The following INPP5D variants were observed in gnomAD, a reference collection of about 807,000 sequenced individuals.
INPP5D encodes inositol polyphosphate-5-phosphatase D, also known as phosphatidylinositol 3,4,5-trisphosphate 5-phosphatase 1.
A neutral mutation model predicts 122.9 loss-of-function variants in INPP5D; 33 were observed. The ratio of observed to expected loss-of-function variants is 0.27; its 90% CI spans 0.20 to 0.36. The LOEUF is 0.36. Among genes scored for constraint, INPP5D ranks in the 10% least tolerant of loss-of-function variants. The pLI is 1.00. For synonymous variants in INPP5D, 584 were observed against 576.2 expected (o/e 1.01, Z -0.19); for missense variants, 1,053 against 1,412.7 (o/e 0.75, Z 4.08).
intron 10 of INPP5D, among the ~76,000 whole-genome samples, chr2:233,159,382 A>G (rs1009530037): frequency 6.6e-5 from 10 of 152,192 alleles, no homozygotes; most frequent in African/African-American, 2.4e-4. Flanking sequence ...CAGCCTAGTC[A>G]GACCCCATGT....
intron 9 of INPP5D, among the ~76,000 whole-genome samples, chr2:233,151,424 A>G (rs36131515): frequency 0.52 from 78,730 of 151,850 alleles, 21,017 homozygotes; most frequent in East Asian, 0.67. Flanking sequence ...GTGCCCACCT[A>G]GCTCCAGTCC....
intron 3 of INPP5D, among the ~76,000 whole-genome samples, chr2:233,123,289 A>G (rs573644779): frequency 6.6e-6 from 1 of 152,206 alleles, no homozygotes; most frequent in South Asian, 2.1e-4. Context: ...CCTTATCTCT[A>G]CTAAAAATAC....
In INPP5D at chr2:233,195,314, T is replaced by C. The variant is rs547311412; in HGVS notation, c.2597-85T>C. The C allele has an allele frequency of 2.1e-3, 3,295 of 1,600,184 alleles. 2 individuals are homozygous for C. Among genetic ancestry groups the C allele is most frequent in the Non-Finnish European group, 2.7e-3 (3,166 of 1,172,038 alleles). ...CACTATTCACTGTGCAGCTTCAGCCTGCAAATGGAAACCCCTTTGCCATCC... is the reference window on the plus strand; with the variant it reads ...CACTATTCACTGTGCAGCTTCAGCCCGCAAATGGAAACCCCTTTGCCATCC... On this transcript the variant is annotated intron_variant, in intron 23 of 26. Transcript: ENST00000445964.
chr2:233,083,407 C>G (rs114695765), intron 2 of INPP5D, among the ~76,000 whole-genome samples: 3 of 152,164 alleles, frequency 2.0e-5, no homozygotes, highest in Non-Finnish European at 2.9e-5. Flanking sequence ...TCAACAGCTG[C>G]TGTGCCACTC....
intron 18 of INPP5D, among the ~76,000 whole-genome samples, chr2:233,178,493 TA>T (rs1342762471): frequency 2.0e-5 from 3 of 151,198 alleles, no homozygotes; most frequent in African/African-American, 7.3e-5. Flanking sequence ...TTTATTTATT[TA>T]TTTATTGAGA....
At position 233,170,465 on chromosome 2, in the gene INPP5D, C is replaced by T. The variant is rs764321505; in HGVS notation, c.1792-31C>T. On this transcript the variant is annotated intron_variant, in intron 15 of 26. Transcript: ENST00000445964. This position sits in a 1 kb window ranked among gnomAD's most constrained non-coding sequence, Gnocchi z 4.5. Reference sequence around the variant, plus strand: ...TCAGGCCTGGATCAGCAGGGCTTCTCACCAGAGGCCCGGGCATGTTCTTGT... The same window carrying T: ...TCAGGCCTGGATCAGCAGGGCTTCTTACCAGAGGCCCGGGCATGTTCTTGT... The T allele has an allele frequency of 1.9e-6, 3 of 1,613,234 alleles. No individual in the cohort carries two copies. The highest frequency in any genetic ancestry group is 3.3e-5 in the Admixed American group (2 of 59,972).
At chr2:233,173,888 G>C (rs1559334223) in intron 17 of INPP5D, among the ~76,000 whole-genome samples, 1 of 152,062 alleles carries the variant, frequency 6.6e-6, no homozygotes, top group Non-Finnish European at 1.5e-5. Flanking sequence ...AACCGAGATG[G>C]CGCCACTGCA....
chr2:233,131,827 C>T (rs1251033548), intron 5 of INPP5D, among the ~76,000 whole-genome samples: 1 of 152,152 alleles, frequency 6.6e-6, no homozygotes, highest in Non-Finnish European at 1.5e-5. Context: ...TTTCAAGATT[C>T]CTTTGTTGAT....
chr2:233,193,557 G>C (rs999709610), intron 22 of INPP5D, among the ~76,000 whole-genome samples: 1 of 152,122 alleles, frequency 6.6e-6, no homozygotes, highest in African/African-American at 2.4e-5. Flanking sequence ...TCCCTACAGC[G>C]ATCAGATGAG....
At chr2:233,196,215 G>A (rs1001601172) in intron 24 of INPP5D, among the ~76,000 whole-genome samples, 11 of 152,226 alleles carry the variant, frequency 7.2e-5, no homozygotes, top group Admixed American at 2.0e-4. Flanking sequence ...GGACACAGGA[G>A]AAAGAAGCTC....
At chr2:233,099,949 A>AAG (rs1692257971) in intron 2 of INPP5D, among the ~76,000 whole-genome samples, 1 of 152,202 alleles carries the variant, frequency 6.6e-6, no homozygotes, top group Non-Finnish European at 1.5e-5. Flanking sequence ...CAGACAAGAG[A>AAG]AGAATGAGCT....
At chr2:233,198,057 A>AGGG (rs1288372533) in intron 24 of INPP5D, 38 bp from the exon 25 acceptor site, 1 of 1,513,690 alleles carries the variant, frequency 6.6e-7, no homozygotes, top group East Asian at 2.3e-5. Flanking sequence ...CGAGAAGGGA[A>AGGG]GGGACCCCTG....
At position 233,195,584 on chromosome 2, in the gene INPP5D, C is replaced by T. The variant is rs997842523; in HGVS notation, c.2693+89C>T. 1.5e-4 allele frequency: 229 copies of T among 1,578,072 alleles called. 3 individuals carry two copies. In the Middle Eastern group the frequency reaches 2.2e-3, roughly 15 times the overall value. ...TGGTTTGGCCGGGTGCGATGGTTCA[C>T]GCCCATAATCCCGGCACTTTGGGAG... On this transcript the variant is annotated intron_variant, in intron 24 of 26. Coordinates refer to ENST00000445964, the MANE Select transcript of INPP5D (RefSeq NM_001017915.3).
rs1695504476 is a variant in INPP5D, at chr2:233,206,359, T to A, written c.3568-347T>A. 6.6e-6 allele frequency among the ~76,000 whole-genome samples: 1 copy of A among 151,008 alleles called. No homozygotes were observed. The highest frequency in any genetic ancestry group is 2.4e-5 in the African/African-American group (1 of 41,146). On this transcript the variant is annotated intron_variant, in intron 26 of 26. Coordinates refer to ENST00000445964, the MANE Select transcript of INPP5D (RefSeq NM_001017915.3). This position sits in a 1 kb window ranked among gnomAD's most constrained non-coding sequence, Gnocchi z 4.0. The stretch of plus-strand genomic sequence containing the variant: ...TACATATTACATATGTGTATATATT[T>A]TATATATATATATGGTACGTACCTG...
chr2:233,164,287 C>A lies in INPP5D; in HGVS notation c.1438-20C>A. ...CACCCTACACTTGGGCCGAGTATTG[C>A]AACGTTGTCCTCCCACCAGGTCGCC... is the stretch of plus-strand genomic sequence containing the variant. On this transcript the variant is annotated intron_variant, in intron 12 of 26. Transcript: ENST00000445964. The surrounding 1 kb of genome is among the most constrained non-coding windows in gnomAD (Gnocchi z 4.3). 1 of 1,540,212 alleles carries A rather than the reference C, an allele frequency of 6.5e-7. No homozygotes were observed. The highest frequency in any genetic ancestry group is 2.0e-5 in the Admixed American group (1 of 50,486).
chr2:233,138,633 T>C (rs1026064139), intron 5 of INPP5D, among the ~76,000 whole-genome samples: 4 of 152,164 alleles, frequency 2.6e-5, no homozygotes, highest in African/African-American at 9.7e-5. Context: ...GGTTTGGCAA[T>C]AATGATCAAG....
intron 5 of INPP5D, among the ~76,000 whole-genome samples, chr2:233,138,838 C>T (rs1312191241): frequency 2.0e-5 from 3 of 151,932 alleles, no homozygotes; most frequent in East Asian, 1.9e-4. Flanking sequence ...CTCTGTCTCC[C>T]GGGTTCACAC....
intron 26 of INPP5D, chr2:233,205,343 CAAA>C (rs756138155): frequency 0.45 from 50,440 of 112,742 alleles, 10,719 homozygotes; most frequent in Admixed American, 0.54. Context: ...GACTCCGTCT[CAAA>C]AAAAAAAAAA....
rs184144661 is a variant in INPP5D, at chr2:233,153,037, C to T, written c.1031-5276C>T. ...TGGGAAAAGGTGAACGGGGTGGGAA[C>T]GTTTCAAAGGTAGACCAGCCAGCAC... On this transcript the variant is annotated intron_variant, in intron 9 of 26. Transcript: ENST00000445964. 3.8e-3 allele frequency among the ~76,000 whole-genome samples: 581 copies of T among 152,256 alleles called. 2 individuals carry two copies. The highest frequency in any genetic ancestry group is 0.013 in the African/African-American group (543 of 41,542).
Sources: gnomAD v4.1 joint callset for allele counts (sites outside exome capture counted in the v4.1 genomes callset) on GRCh38, gnomAD v4.1.1 for gene constraint, Gnocchi (gnomAD v3.1) non-coding constraint, MANE v1.5 for transcripts, NCBI Gene and HGNC (gene_info 2026-07-23, HGNC 2026-07-21) for gene names.